TTYH2: variants seen among roughly 807,000 people sequenced by gnomAD.
TTYH2 encodes the protein tweety family member 2, also known as protein tweety homolog 2.
In TTYH2, 49 loss-of-function variants were observed where a neutral mutation model predicts 68.3. That is an observed-to-expected ratio of 0.72 (90% CI 0.57 to 0.91). The LOEUF (loss-of-function observed/expected upper bound fraction) is 0.91. Ranked by LOEUF, TTYH2 falls within the 40% of genes least tolerant of loss-of-function variation. The pLI is 0.00. For synonymous variants in TTYH2, 272 were observed against 300.8 expected, an observed-to-expected ratio of 0.90 and a Z score of 0.99; for missense variants, 631 against 700.4, an observed-to-expected ratio of 0.90 and a Z score of 1.12.
intron 4 of TTYH2, 146 bp from the exon 5 acceptor site, chr17:74,243,228 G>T (rs142320442): frequency 5.9e-6 from 4 of 674,630 alleles, no homozygotes; most frequent in East Asian, 2.7e-5. Context: ...TTCAGCCCAC[G>T]CATGCTGGGT....
intron 13 of TTYH2, among the ~76,000 whole-genome samples, chr17:74,255,668 C>A (rs539048152): frequency 6.6e-6 from 1 of 152,126 alleles, no homozygotes; most frequent in African/African-American, 2.4e-5. Flanking sequence ...AACTCCTGAC[C>A]TCAGGTGATC....
In TTYH2 at chr17:74,231,095, G is replaced by T; in HGVS notation, c.414+96G>T. Reference sequence around the variant, plus strand: ...CCGTCAGATCCCAGCTAGCTCAGCTGCACACGGAGGGGCTGTGTGACGCCT... The same window carrying T: ...CCGTCAGATCCCAGCTAGCTCAGCTTCACACGGAGGGGCTGTGTGACGCCT... On this transcript the variant is annotated intron_variant, in intron 3 of 13. Transcript: ENST00000269346. 2.6e-6 allele frequency: 3 copies of T among 1,141,682 alleles called. 1 individual carries two copies. The highest frequency in any genetic ancestry group is 2.7e-5 in the South Asian group (2 of 74,456). 70.7% of individuals were successfully genotyped at this position (1,141,682 alleles called of 1,614,324 possible).
At chr17:74,221,483 ACC>A (rs1168919482) in intron 1 of TTYH2, among the ~76,000 whole-genome samples, 1 of 151,768 alleles carries the variant, frequency 6.6e-6, no homozygotes, top group African/African-American at 2.4e-5. Flanking sequence ...CCCCAGCAGC[ACC>A]CCCAGAGCAC....
rs1215019009 is a variant in TTYH2 at position 74,222,464 on chromosome 17, C to T, written c.130-21C>T. On this transcript the variant is annotated intron_variant, in intron 1 of 13. Coordinates refer to ENST00000269346, the MANE Select transcript of TTYH2 (RefSeq NM_032646.6). The surrounding 1 kb of genome is among the most constrained non-coding windows in gnomAD (Gnocchi z 5.2). ...GCACTGCAGGGATGAAGAGTGACAA[C>T]AGGCCTCTGCTCTCTTCCAGTCGCT... 1 of 1,597,238 alleles carries T rather than the reference C, an allele frequency of 6.3e-7. No individual in the cohort carries two copies. The highest frequency in any genetic ancestry group is 1.1e-5 in the South Asian group (1 of 89,790).
At chr17:74,246,435 G>A (rs975459760) in intron 6 of TTYH2, among the ~76,000 whole-genome samples, 2 of 152,132 alleles carry the variant, frequency 1.3e-5, no homozygotes, top group African/African-American at 4.8e-5. Flanking sequence ...TTCATCCTGG[G>A]AGGCACACAG....
Position 74,214,035 on chromosome 17 carries a change from G to C in TTYH2, c.129+319G>C, listed in dbSNP as rs2050198060. Among the ~76,000 whole-genome samples, 1 of 152,162 alleles carries C rather than the reference G, an allele frequency of 6.6e-6. No homozygotes were observed. Among genetic ancestry groups the C allele is most frequent in the African/African-American group, 2.4e-5 (1 of 41,446 alleles). On this transcript the variant is annotated intron_variant, in intron 1 of 13. Coordinates refer to ENST00000269346, the MANE Select transcript of TTYH2 (RefSeq NM_032646.6). This position sits in a 1 kb window ranked among gnomAD's most constrained non-coding sequence, Gnocchi z 4.6. ...AGCGGGCAGGGCGGCGCGGGGGAGG[G>C]GTAAGGACAGGGGCATTCGTCTCGG...
At chr17:74,219,990 G>GT (rs964168876) in intron 1 of TTYH2, among the ~76,000 whole-genome samples, 4 of 151,030 alleles carry the variant, frequency 2.6e-5, no homozygotes, top group Non-Finnish European at 4.4e-5. Flanking sequence ...CTTGGTTGGG[G>GT]TTTTTTTTGG....
Position 74,244,043 on chromosome 17 carries a change from G to T in TTYH2, c.798G>T (p.Ala266=), listed in dbSNP as rs143670144. The T allele has an allele frequency of 1.2e-6, 2 of 1,611,300 alleles. No individual in the cohort carries two copies. Among genetic ancestry groups the T allele is most frequent in the Non-Finnish European group, 1.7e-6 (2 of 1,179,832 alleles). ...SWASLAADGS[A]AVATSDFCVA... is the part of the protein sequence containing the mutation. ...CATCCCTGGCCGCTGATGGCTCTGC[G>T]GCAGTGGTGAGTTGGGGGAGGGAGT... is the stretch of plus-strand genomic sequence containing the variant. The change falls in exon 6 of 14, where the codon GCG becomes GCT. Residue 266 remains alanine, a synonymous_variant. Transcript: ENST00000269346.
chr17:74,230,423 C>T (rs1485485914), intron 2 of TTYH2, among the ~76,000 whole-genome samples: 2 of 151,994 alleles, frequency 1.3e-5, no homozygotes, highest in Non-Finnish European at 2.9e-5. Context: ...TATGTCCAAA[C>T]CTATAGAATG....
chr17:74,248,655 A>G, intron 6 of TTYH2: 2 of 1,145,592 alleles, frequency 1.7e-6, no homozygotes, highest in East Asian at 4.8e-5. Flanking sequence ...CCTGGGGCCC[A>G]GGATGCTGGC....
chr17:74,215,170 CGTGT>C lies in TTYH2; in HGVS notation c.129+1485_129+1488del, dbSNP rs5822029. Among the ~76,000 whole-genome samples, 10,840 of 147,334 alleles carry C rather than the reference CGTGT, an allele frequency of 0.074. 421 individuals are homozygous for C. The highest frequency in any genetic ancestry group is 0.081 in the Non-Finnish European group (5,401 of 66,556). ...AGGCGGATATGATTTCAGAAACAGC[CGTGT>C]GTGTGTGTGTGTGTGTGTGTGTGTG... On this transcript the variant is annotated intron_variant, in intron 1 of 13. Coordinates refer to ENST00000269346, the MANE Select transcript of TTYH2 (RefSeq NM_032646.6). This position sits in a 1 kb window ranked among gnomAD's most constrained non-coding sequence, Gnocchi z 4.3.
At chr17:74,216,427 G>T (rs988874101) in intron 1 of TTYH2, among the ~76,000 whole-genome samples, 1 of 152,116 alleles carries the variant, frequency 6.6e-6, no homozygotes, top group African/African-American at 2.4e-5. Context: ...AGGCAAGGGG[G>T]TTCTTGGAAG....
intron 2 of TTYH2, among the ~76,000 whole-genome samples, chr17:74,223,275 G>A (rs1054212081): frequency 1.3e-4 from 18 of 133,406 alleles, no homozygotes; most frequent in African/African-American, 5.5e-4. Flanking sequence ...TGCCTGCCTG[G>A]CTTTTTTTTT....
rs1012941159 is a variant in TTYH2, at chr17:74,215,565, C to T, written c.129+1849C>T. On this transcript the variant is annotated intron_variant, in intron 1 of 13. Coordinates refer to ENST00000269346, the MANE Select transcript of TTYH2 (RefSeq NM_032646.6). The surrounding 1 kb of genome is among the most constrained non-coding windows in gnomAD (Gnocchi z 4.3). ...GTGTCCCTTCCCATCGGCCACTGCT[C>T]CTGGGCAGCTGACACCAGCCCTGCC... 19 of 1,469,810 alleles carry T rather than the reference C, an allele frequency of 1.3e-5. No individual in the cohort carries two copies. The highest frequency in any genetic ancestry group is 1.6e-5 in the Non-Finnish European group (17 of 1,091,402). 91.0% of individuals were successfully genotyped at this position (1,469,810 alleles called of 1,614,324 possible). A position where few individuals can be genotyped will look rare whatever the true frequency, so the allele number is the denominator to read the frequency against.
At chr17:74,219,403 A>AAAAAAAAAAAG (rs1241503126) in intron 1 of TTYH2, among the ~76,000 whole-genome samples, 2 of 149,656 alleles carry the variant, frequency 1.3e-5, no homozygotes, top group African/African-American at 5.1e-5. Flanking sequence ...AAAAAAAAAA[A>AAAAAAAAAAAG]GAATAACTTA....
chr17:74,244,184 C>A, intron 6 of TTYH2, 135 bp downstream of exon 6: 1 of 830,106 alleles, frequency 1.2e-6, no homozygotes, highest in African/African-American at 1.7e-5. Context: ...AAGGGACTTG[C>A]GTCATCTGAA....
At chr17:74,226,739 C>G (rs541180438) in intron 2 of TTYH2, among the ~76,000 whole-genome samples, 2 of 152,022 alleles carry the variant, frequency 1.3e-5, no homozygotes, top group African/African-American at 4.8e-5. Flanking sequence ...GAGGATATAC[C>G]TCTTTGTTCT....
chr17:74,253,766 T>C lies in TTYH2; in HGVS notation c.1457T>C (p.Met486Thr), dbSNP rs1404777466. The C allele has an allele frequency of 1.2e-6, 2 of 1,614,126 alleles. No homozygotes were observed. Among genetic ancestry groups the C allele is most frequent in the Admixed American group, 1.7e-5 (1 of 60,012 alleles). The stretch of plus-strand genomic sequence containing the variant: ...TCTCATCCCCGCAGGAACCAAGCCA[T>C]GCTCTTTGGTAGGAACCCACGCTAC... ...APVSEYMNQA[M>T]LFGRNPRYEN... The change falls in exon 13 of 14, where the codon ATG becomes ACG. Residue 486 changes from methionine to threonine, a missense_variant. Met to Thr is a moderately conservative substitution (Grantham distance 81, BLOSUM62 -1). Transcript: ENST00000269346.
Position 74,237,373 on chromosome 17 carries a change from G to A in TTYH2, c.494G>A (p.Gly165Asp). The change falls in exon 4 of 14, where the codon GGC (glycine) becomes GAC (aspartate). Residue 165 changes from glycine (G) to aspartate (D), a missense_variant. Transcript: ENST00000269346. ...ARLSEIFAAR[G>D]DYLQTLKFIQ... ...CTCAGTGAGATCTTTGCTGCCCGGG[G>A]CGATTACCTGCAGACCCTGAAGTTC... The A allele has an allele frequency of 1.2e-6, 2 of 1,614,192 alleles. No individual in the cohort carries two copies.
Sources: gnomAD v4.1 joint callset for allele counts (sites outside exome capture counted in the v4.1 genomes callset) on GRCh38, gnomAD v4.1.1 for gene constraint, Gnocchi (gnomAD v3.1) non-coding constraint, MANE v1.5 for transcripts, NCBI Gene and HGNC (gene_info 2026-07-23, HGNC 2026-07-21) for gene names.